SNX8: variants seen among roughly 807,000 people sequenced by gnomAD.
The protein encoded by SNX8 is sorting nexin-8.
SNX8 carries 25 observed loss-of-function variants against 51.6 expected under a neutral mutation model. The ratio of observed to expected loss-of-function variants is 0.48; its 90% confidence interval spans 0.35 to 0.68. The LOEUF (loss-of-function observed/expected upper bound fraction) is 0.68. Ranked by LOEUF, SNX8 falls within the 30% of genes least tolerant of loss-of-function variation. SNX8 has a pLI of 0.00. For synonymous variants in SNX8, 324 were observed against 277.0 expected, an observed-to-expected ratio of 1.17 and a Z score of -1.68; for missense variants, 695 against 624.0, an observed-to-expected ratio of 1.11 and a Z score of -1.21.
intron 1 of SNX8, among the ~76,000 whole-genome samples, chr7:2,350,260 G>C (rs1367154130): frequency 6.6e-6 from 1 of 152,182 alleles, no homozygotes; most frequent in Non-Finnish European, 1.5e-5. Flanking sequence ...GAGACGTTGA[G>C]GCTCTCTTGA....
intron 1 of SNX8, chr7:2,299,234 A>C (rs1796339558): frequency 6.6e-6 from 1 of 151,894 alleles, no homozygotes; most frequent in African/African-American, 2.4e-5. Context: ...CCCCACGCAC[A>C]CCCACACACA....
chr7:2,313,346 T>G (rs1796696956), intron 1 of SNX8, among the ~76,000 whole-genome samples: 1 of 149,274 alleles, frequency 6.7e-6, no homozygotes. Context: ...GCCAACATGG[T>G]GAAACTCCGT....
intron 1 of SNX8, among the ~76,000 whole-genome samples, chr7:2,330,923 G>A (rs1045463070): frequency 2.6e-5 from 4 of 151,958 alleles, no homozygotes; most frequent in Non-Finnish European, 4.4e-5. Flanking sequence ...GGTGGCTCAC[G>A]CCTGTGATCC....
intron 10 of SNX8, 104 bp from the exon 11 acceptor site, chr7:2,255,273 C>T: frequency 1.4e-6 from 1 of 722,958 alleles, no homozygotes; most frequent in Non-Finnish European, 2.2e-6. Context: ...AGGGAGGGGC[C>T]CTCAGGTGCG....
At chr7:2,268,698 G>C in intron 5 of SNX8, among the ~76,000 whole-genome samples, 1 of 31,606 alleles carries the variant, frequency 3.2e-5, no homozygotes, top group Non-Finnish European at 9.0e-5. Flanking sequence ...CCTCTGCCCA[G>C]CCAGCCGCCC....
chr7:2,279,466 T>C (rs1361012775), intron 1 of SNX8, among the ~76,000 whole-genome samples: 2 of 152,156 alleles, frequency 1.3e-5, no homozygotes, highest in Non-Finnish European at 2.9e-5. Flanking sequence ...AAAAAAATCA[T>C]GGTGGTCAGG....
At position 2,254,113 on chromosome 7, in the gene SNX8, G is replaced by C. The variant is rs1020768260; in HGVS notation, c.*943C>G. ...AGACCACTGGTTCCCTCTGTGAGCA[G>C]GTGGCTGGGCCGGCAAGTGCGTGAC... On this transcript the variant is annotated 3_prime_UTR_variant, in exon 11 of 11. Transcript: ENST00000222990. 6.6e-6 allele frequency: 1 copy of C among 152,620 alleles called. No homozygotes were observed. The highest frequency in any genetic ancestry group is 6.5e-5 in the Admixed American group (1 of 15,286). 9.5% of individuals were successfully genotyped at this position (152,620 alleles called of 1,614,324 possible).
At position 2,253,790 on chromosome 7, in the gene SNX8, A is replaced by AG. The variant is rs1394229414; in HGVS notation, c.*1265dup. On this transcript the variant is annotated 3_prime_UTR_variant, in exon 11 of 11. Coordinates refer to ENST00000222990, the MANE Select transcript of SNX8 (RefSeq NM_013321.4). ...CATCCCACGGCCGTGAGCTGCCCGT[A>AG]GGTACAGGCGGAAGGGAAGCACCCT... 2 of 152,240 alleles carry AG rather than the reference A, an allele frequency of 1.3e-5. No homozygotes were observed. Among genetic ancestry groups the AG allele is most frequent in the African/African-American group, 4.8e-5 (2 of 41,448 alleles). The allele number at this position is 152,240 out of a possible 1,614,324, so 9.4% of individuals were successfully genotyped here. A position where few individuals can be genotyped will look rare whatever the true frequency, so the allele number is the denominator to read the frequency against.
chr7:2,270,250 C>T (rs1281275568), intron 4 of SNX8, among the ~76,000 whole-genome samples: 2 of 132,314 alleles, frequency 1.5e-5, no homozygotes, highest in Non-Finnish European at 3.1e-5. Flanking sequence ...CAGCTGTTTG[C>T]GTGTCCAGGA....
intron 1 of SNX8, among the ~76,000 whole-genome samples, chr7:2,328,883 A>T (rs1430130534): frequency 1.3e-5 from 2 of 152,044 alleles, no homozygotes; most frequent in Non-Finnish European, 1.5e-5. Flanking sequence ...CAGGAGATCG[A>T]GACCATCCTG....
intron 1 of SNX8, among the ~76,000 whole-genome samples, chr7:2,326,183 G>C (rs1778618902): frequency 6.6e-6 from 1 of 151,576 alleles, no homozygotes; most frequent in Non-Finnish European, 1.5e-5. Context: ...GGGCAAAATA[G>C]TGAGACCCCT....
chr7:2,314,219 G>T lies in SNX8; in HGVS notation c.94+109C>A, dbSNP rs1352896461. The T allele has an allele frequency of 7.1e-6, 8 of 1,120,512 alleles. No homozygotes were observed. The South Asian group carries it at 3.1e-4, about 43-fold the overall frequency. The allele number at this position is 1,120,512 out of a possible 1,614,324, so 69.4% of individuals were successfully genotyped here. On this transcript the variant is annotated intron_variant, in intron 1 of 10. Coordinates refer to ENST00000222990, the MANE Select transcript of SNX8 (RefSeq NM_013321.4). ...GCGTGGGGCCGAACGCGGGGCGCGGGGGCAGGAAACGAGTCGGGGACCAAG... is the reference window on the plus strand; with the variant it reads ...GCGTGGGGCCGAACGCGGGGCGCGGTGGCAGGAAACGAGTCGGGGACCAAG...
At chr7:2,275,890 C>A (rs770509558) in intron 2 of SNX8, among the ~76,000 whole-genome samples, 86 of 150,480 alleles carry the variant, frequency 5.7e-4, no homozygotes, top group Non-Finnish European at 1.1e-3. Context: ...CCCAGCTACT[C>A]AGGAAGCTGA....
chr7:2,340,605 C>A (rs1212246255), intron 1 of SNX8, among the ~76,000 whole-genome samples: 2 of 151,074 alleles, frequency 1.3e-5, no homozygotes, highest in Non-Finnish European at 3.0e-5. Context: ...GCCTGTAATC[C>A]CAGTACTTTG....
intron 7 of SNX8, among the ~76,000 whole-genome samples, chr7:2,260,754 C>T (rs1291045799): frequency 6.6e-6 from 1 of 152,186 alleles, no homozygotes; most frequent in African/African-American, 2.4e-5. Flanking sequence ...AATTTCACTA[C>T]AACCAAGGAC....
At chr7:2,351,169 G>A (rs1175618985) in intron 1 of SNX8, among the ~76,000 whole-genome samples, 1 of 152,096 alleles carries the variant, frequency 6.6e-6, no homozygotes, top group Non-Finnish European at 1.5e-5. Flanking sequence ...AGGCCACGCT[G>A]CAGGTCAGCC....
Position 2,256,899 on chromosome 7 carries a change from T to G in SNX8, c.1259A>C (p.Asn420Thr), listed in dbSNP as rs764708647. 3.2e-5 allele frequency: 51 copies of G among 1,612,318 alleles called. No individual in the cohort carries two copies. Among genetic ancestry groups the G allele is most frequent in the Middle Eastern group, 1.7e-4 (1 of 6,020 alleles). ...LTSHILRAFVNSQIQGHKEMS... is the reference protein window; with the variant it reads ...LTSHILRAFVTSQIQGHKEMS... Reference sequence around the variant, plus strand: ...CTCCTTGTGCCCTTGGATCTGAGAGTTGACGAAGGCGCGGAGGATGTGGGA... The same window carrying G: ...CTCCTTGTGCCCTTGGATCTGAGAGGTGACGAAGGCGCGGAGGATGTGGGA... Residue 420 changes from asparagine to threonine, a missense_variant, in exon 10 of 11, where the codon AAC (asparagine) becomes ACC (threonine). Coordinates refer to ENST00000222990, the MANE Select transcript of SNX8 (RefSeq NM_013321.4).
chr7:2,333,429 G>A (rs1404564791), intron 1 of SNX8, among the ~76,000 whole-genome samples: 1 of 152,054 alleles, frequency 6.6e-6, no homozygotes, highest in Non-Finnish European at 1.5e-5. Flanking sequence ...CCATGGTGGT[G>A]TGCGCGCCTG....
chr7:2,263,062 C>T (rs1328972672), intron 7 of SNX8, among the ~76,000 whole-genome samples, 168 bp downstream of exon 7: 3 of 152,210 alleles, frequency 2.0e-5, no homozygotes, highest in Non-Finnish European at 2.9e-5. Context: ...GAGGTTGCAG[C>T]GAGCCGAGAT....
Sources: allele counts gnomAD v4.1 joint callset (sites outside exome capture counted in the v4.1 genomes callset), GRCh38; gene constraint gnomAD v4.1.1; transcripts MANE v1.5; gene names NCBI Gene and HGNC (gene_info 2026-07-23, HGNC 2026-07-21).